The following MRPL45 variants were observed in gnomAD, a reference collection of about 807,000 sequenced individuals.
MRPL45 encodes the protein mitochondrial ribosomal protein L45.
A neutral mutation model predicts 38.1 loss-of-function variants in MRPL45; 20 were observed. The ratio of observed to expected loss-of-function variants is 0.53; its 90% CI spans 0.37 to 0.76. The LOEUF is 0.76. Among genes scored for constraint, MRPL45 ranks in the 30% least tolerant of loss-of-function variants. The pLI is 0.00. For synonymous variants in MRPL45, 105 were observed against 128.8 expected, an observed-to-expected ratio of 0.82 and a Z score of 1.25; for missense variants, 337 against 395.6, an observed-to-expected ratio of 0.85 and a Z score of 1.26.
chr17:38,304,733 A>G (rs1181897786), intron 3 of MRPL45, among the ~76,000 whole-genome samples: 1 of 151,970 alleles, frequency 6.6e-6, no homozygotes, highest in Admixed American at 6.6e-5. Context: ...TAGTAAAGAC[A>G]GGGTTTCACC....
intron 7 of MRPL45, 43 bp downstream of exon 7, chr17:38,322,342 G>C (rs369402295): frequency 5.0e-6 from 8 of 1,598,400 alleles, no homozygotes; most frequent in Admixed American, 1.7e-5. Context: ...GGCACTACTC[G>C]TGGTCTCCTA....
chr17:38,297,350 A>G, intron 1 of MRPL45, 101 bp downstream of exon 1: 7 of 1,145,144 alleles, frequency 6.1e-6, no homozygotes, highest in Non-Finnish European at 9.1e-6. Context: ...CTGGGACAAT[A>G]CGAGTCATAC....
At chr17:38,319,271 G>A (rs1280358238) in intron 5 of MRPL45, among the ~76,000 whole-genome samples, 5 of 152,090 alleles carry the variant, frequency 3.3e-5, no homozygotes, top group East Asian at 1.9e-4. Flanking sequence ...TTCTGACCTC[G>A]TGATCCGGCC....
intron 3 of MRPL45, among the ~76,000 whole-genome samples, chr17:38,301,699 G>A (rs2036997456): frequency 6.6e-6 from 1 of 152,214 alleles, no homozygotes; most frequent in African/African-American, 2.4e-5. Context: ...TGGTGATGAT[G>A]AACAAAGCAC....
chr17:38,322,206 A>T lies in MRPL45; in HGVS notation c.741A>T (p.Val247=). ...DVPKDVLEYV[V]FEKQLTNPYG... Reference sequence around the variant, plus strand: ...CCAAGGATGTCCTGGAGTATGTTGTATTCGAAAAGCAGTTGACAAACCCCT... The same window carrying T: ...CCAAGGATGTCCTGGAGTATGTTGTTTTCGAAAAGCAGTTGACAAACCCCT... Residue 247 remains valine, a synonymous_variant, in exon 7 of 8, where the codon GTA becomes GTT. Coordinates refer to ENST00000613675, the MANE Select transcript of MRPL45 (RefSeq NM_032351.6). The T allele has an allele frequency of 6.2e-7, 1 of 1,614,126 alleles. No individual in the cohort carries two copies. Among genetic ancestry groups the T allele is most frequent in the Non-Finnish European group, 8.5e-7 (1 of 1,180,024 alleles).
At chr17:38,318,537 G>A (rs2037197089) in intron 4 of MRPL45, 150 bp from the exon 5 acceptor site, 1 of 491,724 alleles carries the variant, frequency 2.0e-6, no homozygotes, top group East Asian at 3.2e-5. Context: ...TGTGCCCCTA[G>A]AATTTAGCAT....
chr17:38,305,455 C>T (rs897119194), intron 3 of MRPL45, among the ~76,000 whole-genome samples: 4 of 141,780 alleles, frequency 2.8e-5, no homozygotes, highest in Non-Finnish European at 4.6e-5. Flanking sequence ...CGACGGAGTG[C>T]GAGACTCTGT....
At chr17:38,313,379 T>A (rs1555562034) in intron 4 of MRPL45, among the ~76,000 whole-genome samples, 649 of 21,436 alleles carry the variant, frequency 0.03, 43 homozygotes, top group Non-Finnish European at 0.045. Context: ...TATATATATA[T>A]ATATACATAT....
intron 3 of MRPL45, among the ~76,000 whole-genome samples, chr17:38,303,296 T>G (rs1223362830): frequency 5.5e-5 from 8 of 144,536 alleles, no homozygotes; most frequent in Non-Finnish European, 6.1e-5. Context: ...TTAAATTTTT[T>G]TTTTTTTTTT....
In MRPL45 at chr17:38,322,834, G is replaced by A. The variant is rs938729713; in HGVS notation, c.*239G>A. 9.9e-6 allele frequency: 5 copies of A among 505,276 alleles called. No homozygotes were observed. The highest frequency in any genetic ancestry group is 3.8e-5 in the African/African-American group (2 of 52,064). The allele number at this position is 505,276 out of a possible 1,614,324, so 31.3% of individuals were successfully genotyped here. A position where few individuals can be genotyped will look rare whatever the true frequency, so the allele number is the denominator to read the frequency against. The stretch of plus-strand genomic sequence containing the variant: ...ATTTTATGTCTAGCTTCTGAGTCTA[G>A]ATGAAAGACAGTATGTTTCAGAGAA... On this transcript the variant is annotated 3_prime_UTR_variant, in exon 8 of 8. Coordinates refer to ENST00000613675, the MANE Select transcript of MRPL45 (RefSeq NM_032351.6).
At chr17:38,305,629 A>G (rs866692195) in intron 3 of MRPL45, among the ~76,000 whole-genome samples, 21 of 135,826 alleles carry the variant, frequency 1.5e-4, no homozygotes, top group South Asian at 1.3e-3. Context: ...GGGATTACAG[A>G]CAGCACCACC....
chr17:38,306,998 C>T (rs1330304848), intron 4 of MRPL45, among the ~76,000 whole-genome samples: 3 of 151,964 alleles, frequency 2.0e-5, no homozygotes, highest in Non-Finnish European at 4.4e-5. Context: ...GAATATATTT[C>T]TTGTGAAAAT....
intron 4 of MRPL45, among the ~76,000 whole-genome samples, chr17:38,316,737 C>CAA (rs61383463): frequency 1.8e-4 from 11 of 61,232 alleles, no homozygotes; most frequent in African/African-American, 4.5e-4. Flanking sequence ...TGGTGCAATC[C>CAA]AAAAAAAAAA....
chr17:38,303,876 G>A (rs1275468362), intron 3 of MRPL45, among the ~76,000 whole-genome samples: 2 of 152,094 alleles, frequency 1.3e-5, no homozygotes, highest in African/African-American at 4.8e-5. Flanking sequence ...ACAGGTGTGC[G>A]CCACCACGCC....
chr17:38,314,835 A>G (rs2144230250), intron 4 of MRPL45, among the ~76,000 whole-genome samples: 1 of 152,352 alleles, frequency 6.6e-6, no homozygotes, highest in East Asian at 1.9e-4. Flanking sequence ...TGTCCTCAAC[A>G]GTGGTTTTTG....
At chr17:38,297,408 C>A (rs1222856311) in intron 1 of MRPL45, among the ~76,000 whole-genome samples, 159 bp downstream of exon 1, 1 of 152,082 alleles carries the variant, frequency 6.6e-6, no homozygotes, top group Non-Finnish European at 1.5e-5. Context: ...CTGCGGAGCT[C>A]AGTGGTCGAA....
intron 3 of MRPL45, among the ~76,000 whole-genome samples, 163 bp from the exon 4 acceptor site, chr17:38,306,370 C>G (rs371262254): frequency 6.7e-6 from 1 of 149,324 alleles, no homozygotes; most frequent in Non-Finnish European, 1.5e-5. Flanking sequence ...GATCATGCCA[C>G]TGCACTCCAG....
intron 5 of MRPL45, 86 bp downstream of exon 5, chr17:38,318,821 T>C: frequency 1.1e-6 from 1 of 877,268 alleles, no homozygotes; most frequent in Middle Eastern, 2.5e-4. Flanking sequence ...TCTTTTCTTT[T>C]CTTTTCTTTT....
At chr17:38,313,331 TAC>T (rs1491314525) in intron 4 of MRPL45, among the ~76,000 whole-genome samples, 880 of 17,228 alleles carry the variant, frequency 0.051, 77 homozygotes, top group African/African-American at 0.17. Flanking sequence ...TATATATATA[TAC>T]ATATATATAT....
Sources: allele counts gnomAD v4.1 joint callset (sites outside exome capture counted in the v4.1 genomes callset), GRCh38; gene constraint gnomAD v4.1.1; transcripts MANE v1.5; gene names NCBI Gene and HGNC (gene_info 2026-07-23, HGNC 2026-07-21).